The following NR3C2 variants were observed in gnomAD, a reference collection of about 807,000 sequenced individuals.
NR3C2 encodes the protein nuclear receptor subfamily 3 group C member 2, also known as mineralocorticoid receptor.
NR3C2 carries 15 observed loss-of-function variants against 86.4 expected under a neutral mutation model. The ratio of observed to expected loss-of-function variants is 0.17; its 90% CI spans 0.12 to 0.27. The LOEUF is 0.27. NR3C2 is among the 10% of genes least tolerant of loss of function. The pLI, the probability that NR3C2 is intolerant of heterozygous loss-of-function variation, is 1.00. For missense variants in NR3C2, 960 were observed against 1,195.6 expected (o/e 0.80, Z 2.91); for synonymous variants, 458 against 450.5 (o/e 1.02, Z -0.21).
chr4:148,092,777 G>A (rs1731116340), intron 8 of NR3C2, among the ~76,000 whole-genome samples: 2 of 152,196 alleles, frequency 1.3e-5, no homozygotes, highest in Admixed American at 6.5e-5. Context: ...GCCATGCCAG[G>A]GGTGCTAGGA....
intron 6 of NR3C2, among the ~76,000 whole-genome samples, chr4:148,137,747 C>T (rs1578926484): frequency 6.6e-6 from 1 of 152,130 alleles, no homozygotes; most frequent in South Asian, 2.1e-4. Flanking sequence ...CCTCTTTTTT[C>T]CAACTAAGTA....
chr4:148,352,579 G>A (rs766423475), intron 2 of NR3C2, among the ~76,000 whole-genome samples: 6 of 152,006 alleles, frequency 3.9e-5, no homozygotes, highest in Admixed American at 6.6e-5. Context: ...GCAACAGCAG[G>A]GTGTTGGGAA....
At chr4:148,387,285 GA>G (rs2126474585) in intron 2 of NR3C2, among the ~76,000 whole-genome samples, 1 of 152,238 alleles carries the variant, frequency 6.6e-6, no homozygotes, top group South Asian at 2.1e-4. Flanking sequence ...GATGAAAGCT[GA>G]ACAACCAAAA....
At chr4:148,159,646 C>T (rs1734565164) in intron 4 of NR3C2, among the ~76,000 whole-genome samples, 2 of 152,148 alleles carry the variant, frequency 1.3e-5, no homozygotes, top group East Asian at 3.8e-4. Context: ...GAGTTCACGC[C>T]CTTAACCTCT....
intron 3 of NR3C2, among the ~76,000 whole-genome samples, chr4:148,242,856 A>T (rs1257772828): frequency 1.3e-5 from 2 of 152,150 alleles, no homozygotes; most frequent in Admixed American, 1.3e-4. Flanking sequence ...AGCTTCAAAC[A>T]TTTGATTTTC....
intron 2 of NR3C2, among the ~76,000 whole-genome samples, chr4:148,284,809 A>G (rs1023879227): frequency 2.6e-5 from 4 of 152,228 alleles, no homozygotes; most frequent in African/African-American, 4.8e-5. Flanking sequence ...AAGGAAATTA[A>G]TATGTGTTGA....
chr4:148,369,061 T>C (rs1013577641), intron 2 of NR3C2, among the ~76,000 whole-genome samples: 5 of 152,162 alleles, frequency 3.3e-5, no homozygotes, highest in Non-Finnish European at 5.9e-5. Context: ...AAAAATAGAG[T>C]AGGTACTTGT....
At chr4:148,233,337 T>G (rs983734761) in intron 3 of NR3C2, among the ~76,000 whole-genome samples, 3 of 150,804 alleles carry the variant, frequency 2.0e-5, no homozygotes, top group Non-Finnish European at 2.9e-5. Flanking sequence ...AGGCCATTGT[T>G]GGATTATTAA....
At chr4:148,097,995 G>A (rs909724755) in intron 8 of NR3C2, among the ~76,000 whole-genome samples, 1 of 151,692 alleles carries the variant, frequency 6.6e-6, no homozygotes, top group Admixed American at 6.6e-5. Flanking sequence ...TGTACTCTTC[G>A]ACCAATCAAT....
intron 3 of NR3C2, chr4:148,208,946 G>C (rs1442481076): frequency 6.6e-6 from 1 of 152,096 alleles, no homozygotes; most frequent in Non-Finnish European, 1.5e-5. Context: ...TTTTCATGAA[G>C]AATATGCAAA....
intron 8 of NR3C2, among the ~76,000 whole-genome samples, chr4:148,091,706 A>G (rs1731070561): frequency 6.6e-6 from 1 of 152,212 alleles, no homozygotes; most frequent in Admixed American, 6.5e-5. Flanking sequence ...GAATATGCAG[A>G]CTTGGCCCTT....
At chr4:148,100,697 C>T (rs1004949981) in intron 8 of NR3C2, among the ~76,000 whole-genome samples, 4 of 152,156 alleles carry the variant, frequency 2.6e-5, no homozygotes, top group African/African-American at 9.7e-5. Flanking sequence ...TTATATGATC[C>T]AGCAATCCAG....
chr4:148,394,574 C>T (rs1368826104), intron 2 of NR3C2, among the ~76,000 whole-genome samples: 1 of 151,636 alleles, frequency 6.6e-6, no homozygotes, highest in East Asian at 1.9e-4. Flanking sequence ...CATCTGTAGT[C>T]CCAGCTACCC....
chr4:148,419,084 G>A (rs778602201), intron 2 of NR3C2, among the ~76,000 whole-genome samples: 2 of 141,394 alleles, frequency 1.4e-5, no homozygotes, highest in African/African-American at 4.9e-5. Flanking sequence ...TCTATTTCAC[G>A]GTTGTTTTTC....
rs1245951726 is a variant in NR3C2 at position 148,370,334 on chromosome 4, G to A, written c.1757+64770C>T. Among the ~76,000 whole-genome samples, 8 of 152,216 alleles carry A rather than the reference G, an allele frequency of 5.3e-5. No homozygotes were observed. In the South Asian group the frequency reaches 1.7e-3, roughly 32 times the overall value. On this transcript the variant is annotated intron_variant, in intron 2 of 8. Transcript: ENST00000358102. ...TTATTTTTCTACAGATAAGTATTTG[G>A]AGCAACCTCACTGCACATCAGTTAG...
chr4:148,095,812 G>A (rs1731254519), intron 8 of NR3C2, among the ~76,000 whole-genome samples: 1 of 152,164 alleles, frequency 6.6e-6, no homozygotes, highest in Non-Finnish European at 1.5e-5. Flanking sequence ...TGGAGGGGTG[G>A]AGTAGGTGCT....
In NR3C2 at chr4:148,435,751, T is replaced by C. The variant is rs1750024191; in HGVS notation, c.1110A>G (p.Gln370=). ...PSPDTQEKGA[Q]EVPFPKTEEV... ...CCTCAGTCTTAGGAAAAGGGACCTC[T>C]TGAGCACCTTTCTCCTGCGTGTCTG... The change falls in exon 2 of 9, where the codon CAA becomes CAG. Residue 370 remains glutamine (Q), a synonymous_variant. Coordinates refer to ENST00000358102, the MANE Select transcript of NR3C2 (RefSeq NM_000901.5). 1 of 1,614,178 alleles carries C rather than the reference T, an allele frequency of 6.2e-7. No individual in the cohort carries two copies. The highest frequency in any genetic ancestry group is 8.5e-7 in the Non-Finnish European group (1 of 1,180,040).
rs74315137 is a variant in NR3C2, at chr4:148,421,867, AAAATGCACAGTTCATG to A, written c.1757+13221_1757+13236del. ...TACTGGCAACAAATTCAGTCTTCAA[AAAATGCACAGTTCATG>A]AAATGCACAGTTCATGAAATTATAC... On this transcript the variant is annotated intron_variant, in intron 2 of 8. Coordinates refer to ENST00000358102, the MANE Select transcript of NR3C2 (RefSeq NM_000901.5). Among the ~76,000 whole-genome samples the A allele has an allele frequency of 1.1e-4, 17 of 152,322 alleles. No homozygotes were observed. In the South Asian group the frequency reaches 1.4e-3, roughly 13 times the overall value.
chr4:148,323,482 C>T (rs1261849160), intron 2 of NR3C2, among the ~76,000 whole-genome samples: 2 of 146,916 alleles, frequency 1.4e-5, no homozygotes, highest in Admixed American at 1.4e-4. Flanking sequence ...CCCAGCCTGG[C>T]TGCAGCCTTG....
Sources: gnomAD v4.1 joint callset for allele counts (sites outside exome capture counted in the v4.1 genomes callset) on GRCh38, gnomAD v4.1.1 for gene constraint, MANE v1.5 for transcripts, NCBI Gene and HGNC (gene_info 2026-07-23, HGNC 2026-07-21) for gene names.